ANKDD1B: variants seen among roughly 807,000 people sequenced by gnomAD.
The protein encoded by ANKDD1B is ankyrin repeat and death domain-containing protein 1B.
ANKDD1B carries 57 observed loss-of-function variants against 59.7 expected under a neutral mutation model. The observed-to-expected ratio is 0.95, with a 90% confidence interval of 0.77 to 1.19. The LOEUF is 1.19. Among genes scored for constraint, ANKDD1B ranks in the 50% most tolerant of loss-of-function variants. The probability of loss-of-function intolerance (pLI) is 0.00; values close to 1 mark genes in which losing one functional copy is unlikely to be tolerated. For synonymous variants in ANKDD1B, 216 were observed against 239.5 expected, an observed-to-expected ratio of 0.90 and a Z score of 0.91; for missense variants, 602 against 641.9, an observed-to-expected ratio of 0.94 and a Z score of 0.67.
chr5:75,654,134 T>C (rs975145545), intron 8 of ANKDD1B, among the ~76,000 whole-genome samples: 5 of 152,338 alleles, frequency 3.3e-5, no homozygotes, highest in Non-Finnish European at 7.4e-5. Context: ...CTCTGACCCT[T>C]GCTGGCCTCC....
In ANKDD1B at chr5:75,669,317, A is replaced by T. The variant is rs1775408459; in HGVS notation, c.1459A>T (p.Thr487Ser). The stretch of plus-strand genomic sequence containing the variant: ...TATCTGGCTACACGGGACCCTGATG[A>T]CTCAGGGTGACCCGGCCAAGCAACT... Reference protein sequence around the residue: ...LLIWLHGTLMTQGDPAKQLYE... With the variant: ...LLIWLHGTLMSQGDPAKQLYE... Residue 487 changes from threonine (T) to serine (S), a missense_variant, in exon 13 of 14, where the codon ACT (threonine) becomes TCT (serine). Physicochemically the swap from Thr to Ser is moderately conservative, Grantham distance 58. Around this residue, in one of 3 missense-constraint regions of ANKDD1B, gnomAD observed 280 missense variants for 319.8 expected, o/e 0.88. Coordinates refer to ENST00000601380, the MANE Select transcript of ANKDD1B (RefSeq NM_001276713.2). The T allele has an allele frequency of 8.1e-7, 1 of 1,231,720 alleles. No homozygotes were observed. The highest frequency in any genetic ancestry group is 1.0e-6 in the Non-Finnish European group (1 of 987,608). The allele number at this position is 1,231,720 out of a possible 1,614,324, so 76.3% of individuals were successfully genotyped here.
At chr5:75,626,063 C>G (rs895200836) in intron 5 of ANKDD1B, 108 bp downstream of exon 5, 1 of 742,480 alleles carries the variant, frequency 1.3e-6, no homozygotes, top group African/African-American at 1.7e-5. Context: ...AGACCCGGCC[C>G]TGTAGCCGGC....
Position 75,612,318 on chromosome 5 carries a change from G to GCC in ANKDD1B, c.193+499_193+500dup, listed in dbSNP as rs757100948. 1.5e-3 allele frequency among the ~76,000 whole-genome samples: 154 copies of GCC among 99,670 alleles called. 1 individual carries two copies. Among genetic ancestry groups the GCC allele is most frequent in the East Asian group, 9.4e-3 (32 of 3,420 alleles). 65.4% of individuals were successfully genotyped at this position (99,670 alleles called of 152,430 possible). A position where few individuals can be genotyped will look rare whatever the true frequency, so the allele number is the denominator to read the frequency against. On this transcript the variant is annotated intron_variant, in intron 1 of 13. Transcript: ENST00000601380. ...CTGAAAGCGATTTAAGTCTGCCCCC[G>GCC]CCCCCCCCCGCCCTCCGCCCCGCCC... is the stretch of plus-strand genomic sequence containing the variant.
In ANKDD1B at chr5:75,620,204, ACAAT is replaced by A. The variant is rs1773810574; in HGVS notation, c.298-107_298-104del. 5.2e-6 allele frequency: 3 copies of A among 579,454 alleles called. No individual in the cohort carries two copies. The African/African-American group carries it at 5.6e-5, about 11-fold the overall frequency. The allele number at this position is 579,454 out of a possible 1,614,324, so 35.9% of individuals were successfully genotyped here. ...AGGTAAAGGCAAAGAGTGGAGCCAA[ACAAT>A]CAAAATAGAAACACTTGATAGAAAA... On this transcript the variant is annotated intron_variant, in intron 2 of 13. Coordinates refer to ENST00000601380, the MANE Select transcript of ANKDD1B (RefSeq NM_001276713.2).
chr5:75,668,963 G>T (rs1371462469), intron 12 of ANKDD1B, among the ~76,000 whole-genome samples: 1 of 152,198 alleles, frequency 6.6e-6, no homozygotes, highest in East Asian at 1.9e-4. Flanking sequence ...TCTATGAGAA[G>T]TTGCATATTT....
intron 11 of ANKDD1B, among the ~76,000 whole-genome samples, chr5:75,664,620 A>C (rs556046353): frequency 1.3e-5 from 2 of 152,248 alleles, no homozygotes; most frequent in Non-Finnish European, 2.9e-5. Context: ...ACTTGCTTTC[A>C]CATTTTCTTT....
intron 10 of ANKDD1B, among the ~76,000 whole-genome samples, chr5:75,661,899 A>ATTTT (rs35120763): frequency 0.012 from 1,098 of 92,726 alleles, 48 homozygotes; most frequent in African/African-American, 0.035. Flanking sequence ...GGCTCCCACA[A>ATTTT]TTTTTTTTTT....
At chr5:75,660,716 C>T (rs1775113881) in intron 10 of ANKDD1B, among the ~76,000 whole-genome samples, 1 of 152,180 alleles carries the variant, frequency 6.6e-6, no homozygotes, top group Non-Finnish European at 1.5e-5. Context: ...CTTCAATCCT[C>T]ACATTTCAGT....
At chr5:75,654,026 C>T (rs1438173231) in intron 8 of ANKDD1B, among the ~76,000 whole-genome samples, 1 of 152,212 alleles carries the variant, frequency 6.6e-6, no homozygotes, top group Non-Finnish European at 1.5e-5. Context: ...GTTTTTCATG[C>T]TTAGTGCTTC....
chr5:75,664,256 A>G (rs1232929634), intron 11 of ANKDD1B, among the ~76,000 whole-genome samples: 1 of 152,190 alleles, frequency 6.6e-6, no homozygotes, highest in African/African-American at 2.4e-5. Flanking sequence ...AGTCTTGGGA[A>G]ATTTCCCTTA....
intron 3 of ANKDD1B, among the ~76,000 whole-genome samples, chr5:75,623,080 GT>G (rs1316937994): frequency 6.6e-6 from 1 of 151,282 alleles, no homozygotes; most frequent in Non-Finnish European, 1.5e-5. Flanking sequence ...ATTTCTGGTG[GT>G]TTTTTTTTCT....
chr5:75,650,568 C>T (rs78217689), intron 7 of ANKDD1B, among the ~76,000 whole-genome samples: 1,578 of 152,198 alleles, frequency 0.01, 28 homozygotes, highest in African/African-American at 0.036. Flanking sequence ...ATGGCAATGT[C>T]TTATAACAAC....
At chr5:75,670,833 C>T (rs141820053) in intron 13 of ANKDD1B, 146 bp from the exon 14 acceptor site, 11 of 373,154 alleles carry the variant, frequency 2.9e-5, no homozygotes, top group Middle Eastern at 1.4e-3. Flanking sequence ...CTTCCTGTGA[C>T]AACCTTCTCA....
intron 1 of ANKDD1B, among the ~76,000 whole-genome samples, chr5:75,616,230 T>C (rs905736160): frequency 5.3e-5 from 8 of 152,210 alleles, no homozygotes; most frequent in Non-Finnish European, 8.8e-5. Flanking sequence ...ACCATATGAA[T>C]GTGTATATGT....
intron 5 of ANKDD1B, 44 bp from the exon 6 acceptor site, chr5:75,634,854 A>G (rs1285325483): frequency 7.9e-7 from 1 of 1,267,520 alleles, no homozygotes; most frequent in South Asian, 1.3e-5. Context: ...TTGCTTGTTC[A>G]CTAAGACTGT....
chr5:75,630,328 T>C (rs1439224097), intron 5 of ANKDD1B, among the ~76,000 whole-genome samples: 1 of 152,266 alleles, frequency 6.6e-6, no homozygotes, highest in African/African-American at 2.4e-5. Flanking sequence ...TATGCTATAA[T>C]CTCATCTTTA....
chr5:75,635,122 A>T, intron 6 of ANKDD1B, 126 bp downstream of exon 6: 2 of 623,282 alleles, frequency 3.2e-6, no homozygotes, highest in East Asian at 2.8e-5. Flanking sequence ...TTAAATTGCT[A>T]CTGTACTCAG....
In ANKDD1B at chr5:75,666,800, T is replaced by A; in HGVS notation, c.1200T>A (p.His400Gln). The A allele has an allele frequency of 6.5e-7, 1 of 1,534,332 alleles. No individual in the cohort carries two copies. Among genetic ancestry groups the A allele is most frequent in the South Asian group, 1.2e-5 (1 of 84,022 alleles). ...AATTATTTTCACTTTAGGAGCATCA[T>A]GAGAGCATCAGGGACCCGTCAACAG... is the stretch of plus-strand genomic sequence containing the variant. ...ERYYAWREEH[H>Q]ESIRDPSTGF... The change falls in exon 12 of 14, where the codon CAT (histidine) becomes CAA (glutamine). Residue 400 changes from histidine to glutamine, a missense_variant. Transcript: ENST00000601380.
intron 7 of ANKDD1B, among the ~76,000 whole-genome samples, chr5:75,640,636 A>G (rs1477033614): frequency 2.0e-5 from 3 of 152,170 alleles, no homozygotes; most frequent in African/African-American, 7.2e-5. Context: ...CTGAGTGTTG[A>G]AGGAGGTCAT....
Sources: allele counts gnomAD v4.1 joint callset (sites outside exome capture counted in the v4.1 genomes callset), GRCh38; gene constraint gnomAD v4.1.1; regional missense constraint gnomAD v4.1.1; transcripts MANE v1.5; gene names NCBI Gene and HGNC (gene_info 2026-07-23, HGNC 2026-07-21).